The following DAPK2 variants were observed in gnomAD, a reference collection of about 807,000 sequenced individuals.
DAPK2 encodes the protein death associated protein kinase 2, also known as death-associated protein kinase 2.
Under a neutral mutation model 44.1 loss-of-function variants are expected in DAPK2, and 35 were observed. The observed-to-expected ratio is 0.79, with a 90% confidence interval of 0.61 to 1.05. The LOEUF (loss-of-function observed/expected upper bound fraction) is 1.05. DAPK2 is among the 50% of genes least tolerant of loss of function. The pLI is 0.00. For synonymous variants in DAPK2, 174 were observed against 182.6 expected (o/e 0.95, Z 0.38); for missense variants, 453 against 483.2 (o/e 0.94, Z 0.59).
chr15:63,926,124 TA>T (rs1316941111), intron 6 of DAPK2, 31 bp from the exon 8 acceptor site: 15 of 1,572,088 alleles, frequency 9.5e-6, no homozygotes, highest in Non-Finnish European at 1.2e-5. Flanking sequence ...ATCAAATAAC[TA>T]AGGGAAAGTA....
At chr15:64,046,401 GC>G (rs2080469837), upstream of DAPK2, 1 of 300,732 alleles carries the variant, frequency 3.3e-6, no homozygotes, top group Admixed American at 6.7e-5. The surrounding 1 kb of genome is among the most constrained non-coding windows in gnomAD (Gnocchi z 5.3). Flanking sequence ...AACGGGGGAC[GC>G]GGCGGGGTGC....
intron 3 of DAPK2, among the ~76,000 whole-genome samples, chr15:63,944,724 T>A (rs1168236439): frequency 6.6e-6 from 1 of 152,142 alleles, no homozygotes; most frequent in Non-Finnish European, 1.5e-5. Context: ...GGCAGTCCAA[T>A]CCCTTTCTCC....
exon 7 of DAPK2, chr15:63,926,069 C>T (rs1412825536): frequency 6.2e-7 from 1 of 1,611,696 alleles, no homozygotes; most frequent in Non-Finnish European, 8.5e-7. Flanking sequence ...TCGTGTCTCC[C>T]AGGAAAGGGG....
chr15:63,912,574 A>G lies in DAPK2; in HGVS notation c.859-377T>C, dbSNP rs1011222534. On this transcript the variant is annotated intron_variant, in intron 8 of 10. Coordinates refer to ENST00000261891, the Ensembl canonical transcript of DAPK2. This position sits in a 1 kb window ranked among gnomAD's most constrained non-coding sequence, Gnocchi z 4.4. ...GGGGTGATTCTGGGCTTGGCAAAAC[A>G]AATGCCTTGTTGGTAGACGGGGAAT... Among the ~76,000 whole-genome samples the G allele has an allele frequency of 6.6e-6, 1 of 152,218 alleles. No homozygotes were observed. Among genetic ancestry groups the G allele is most frequent in the African/African-American group, 2.4e-5 (1 of 41,462 alleles).
intron 1 of DAPK2, among the ~76,000 whole-genome samples, chr15:64,000,060 G>A (rs554164306): frequency 5.9e-5 from 9 of 152,086 alleles, no homozygotes; most frequent in African/African-American, 1.7e-4. Context: ...CACCACACCC[G>A]ATCAATAACG....
At chr15:63,954,039 A>G (rs1419777516) in intron 3 of DAPK2, among the ~76,000 whole-genome samples, 1 of 151,986 alleles carries the variant, frequency 6.6e-6, no homozygotes, top group Non-Finnish European at 1.5e-5. Context: ...TGAGCTCCTT[A>G]TATATTCTGG....
upstream of DAPK2, among the ~76,000 whole-genome samples, chr15:64,041,495 C>T (rs570915043): frequency 5.9e-5 from 9 of 152,348 alleles, no homozygotes; most frequent in Non-Finnish European, 1.0e-4. Context: ...CTCTGGACAA[C>T]ATCCCAAGAG....
chr15:63,955,896 T>C (rs13380196), intron 3 of DAPK2, among the ~76,000 whole-genome samples: 55,155 of 152,096 alleles, frequency 0.36, 10,544 homozygotes, highest in Non-Finnish European at 0.41. Flanking sequence ...AAATGTTTGA[T>C]AGAATTTAGC....
chr15:63,939,340 C>T lies in DAPK2; in HGVS notation c.475G>A (p.Asp159Asn), dbSNP rs201994664. Residue 159 changes from aspartate (D) to asparagine (N), a missense_variant, in exon 4 of 11, where the codon GAC becomes AAC. By Grantham distance (23) the Asp-to-Asn change is conservative. Coordinates refer to ENST00000261891, the Ensembl canonical transcript of DAPK2. The surrounding 1 kb of genome is among the most constrained non-coding windows in gnomAD (Gnocchi z 4.3). ...ATGTGTGGAATGGGAATATTCTTGT[C>T]TAACAACATAATGTTTTCTGGCTGG... is the stretch of plus-strand genomic sequence containing the variant. The T allele has an allele frequency of 6.2e-7, 1 of 1,607,716 alleles. No homozygotes were observed. The highest frequency in any genetic ancestry group is 1.1e-5 in the South Asian group (1 of 90,768).
intron 3 of DAPK2, among the ~76,000 whole-genome samples, chr15:63,946,628 C>T (rs553238929): frequency 6.6e-6 from 1 of 152,306 alleles, no homozygotes; most frequent in South Asian, 2.1e-4. Context: ...GTTGGGGCTG[C>T]AAGGGACCTC....
intron 4 of DAPK2, among the ~76,000 whole-genome samples, chr15:63,932,992 C>T (rs1245131571): frequency 6.6e-6 from 1 of 152,168 alleles, no homozygotes; most frequent in Non-Finnish European, 1.5e-5. Flanking sequence ...AAATGGCTCC[C>T]ATTTTAAACA....
chr15:64,036,713 G>C (rs1595924068), intron 1 of DAPK2, among the ~76,000 whole-genome samples: 1 of 151,398 alleles, frequency 6.6e-6, no homozygotes, highest in East Asian at 2.0e-4. Context: ...ACTTAATGAA[G>C]AGCTAAAATC....
intron 1 of DAPK2, among the ~76,000 whole-genome samples, chr15:63,986,088 A>T (rs1287699672): frequency 6.6e-6 from 1 of 152,202 alleles, no homozygotes; most frequent in African/African-American, 2.4e-5. Flanking sequence ...TGTAGAGGGG[A>T]GCCTCAGAGG....
intron 3 of DAPK2, among the ~76,000 whole-genome samples, chr15:63,958,165 G>A (rs1483915258): frequency 2.6e-5 from 4 of 152,072 alleles, no homozygotes; most frequent in Non-Finnish European, 5.9e-5. Flanking sequence ...TCTGAGAAGT[G>A]TCTGTTCATA....
chr15:64,005,876 A>AT (rs1567268367), intron 1 of DAPK2, among the ~76,000 whole-genome samples: 2 of 151,846 alleles, frequency 1.3e-5, no homozygotes, highest in African/African-American at 4.8e-5. Context: ...AAAGAAAAAA[A>AT]TTTTTTAATT....
At chr15:64,004,901 T>C (rs16947675) in intron 1 of DAPK2, among the ~76,000 whole-genome samples, 6,223 of 152,294 alleles carry the variant, frequency 0.041, 430 homozygotes, top group African/African-American at 0.14. Flanking sequence ...TGATGACTTA[T>C]CTTTCCTTTG....
At chr15:64,027,625 G>A (rs2079888847) in intron 1 of DAPK2, among the ~76,000 whole-genome samples, 1 of 152,158 alleles carries the variant, frequency 6.6e-6, no homozygotes, top group Non-Finnish European at 1.5e-5. Flanking sequence ...AAGTGCAGGA[G>A]AGAATAAGGT....
At chr15:64,011,378 G>A (rs1595889237) in intron 1 of DAPK2, among the ~76,000 whole-genome samples, 2 of 152,170 alleles carry the variant, frequency 1.3e-5, no homozygotes, top group Admixed American at 1.3e-4. Flanking sequence ...TGGCCAACAT[G>A]ATGAAACCCC....
intron 3 of DAPK2, among the ~76,000 whole-genome samples, chr15:63,951,627 T>C (rs2077589344): frequency 6.6e-6 from 1 of 152,154 alleles, no homozygotes; most frequent in Non-Finnish European, 1.5e-5. Context: ...CGAGTCTCAC[T>C]ATGGCCAGCT....
Sources: gnomAD v4.1 joint callset for allele counts (sites outside exome capture counted in the v4.1 genomes callset) on GRCh38, gnomAD v4.1.1 for gene constraint, Gnocchi (gnomAD v3.1) non-coding constraint, MANE v1.5 for transcripts, NCBI Gene and HGNC (gene_info 2026-07-23, HGNC 2026-07-21) for gene names.